Variants in EREG observed in about 807,000 individuals in gnomAD.
EREG encodes the protein proepiregulin.
In EREG, 23 loss-of-function variants were observed where a neutral mutation model predicts 22.4. The ratio of observed to expected loss-of-function variants is 1.03; its 90% CI spans 0.74 to 1.46. EREG has a LOEUF of 1.46. EREG is among the 40% of genes most tolerant of loss of function. EREG has a pLI of 0.00. For synonymous variants in EREG, 100 were observed against 75.4 expected (o/e 1.33, Z -1.69); for missense variants, 226 against 205.9 (o/e 1.10, Z -0.60).
intron 4 of EREG, among the ~76,000 whole-genome samples, chr4:74,384,526 C>A (rs1425308819): frequency 6.6e-6 from 1 of 151,314 alleles, no homozygotes; most frequent in Admixed American, 6.6e-5. Flanking sequence ...TTTATCATTT[C>A]ATTCCAAAAT....
In EREG at chr4:74,385,952, GA is replaced by G. The variant is rs1752562205; in HGVS notation, c.*1149del. 2.6e-6 allele frequency: 1 copy of G among 390,462 alleles called. No homozygotes were observed. Among genetic ancestry groups the G allele is most frequent in the Non-Finnish European group, 4.5e-6 (1 of 220,766 alleles). The allele number at this position is 390,462 out of a possible 1,614,324, so 24.2% of individuals were successfully genotyped here. A position where few individuals can be genotyped will look rare whatever the true frequency, so the allele number is the denominator to read the frequency against. On this transcript the variant is annotated 3_prime_UTR_variant, in exon 5 of 5. Coordinates refer to ENST00000244869, the MANE Select transcript of EREG (RefSeq NM_001432.3). ...ATTAATATGGTGTATTTTTCCAAAT[GA>G]AAAATCTCAATTGAAAGCTTTTAAA...
chr4:74,370,711 A>C (rs1752275652), intron 1 of EREG, among the ~76,000 whole-genome samples: 1 of 152,132 alleles, frequency 6.6e-6, no homozygotes, highest in African/African-American at 2.4e-5. Flanking sequence ...TGACTGAATA[A>C]AGTGGCAGTG....
intron 1 of EREG, among the ~76,000 whole-genome samples, 177 bp from the exon 2 acceptor site, chr4:74,379,271 G>C (rs1027861717): frequency 6.6e-6 from 1 of 152,132 alleles, no homozygotes; most frequent in African/African-American, 2.4e-5. Context: ...AGAATAGCTG[G>C]GGGAGTTTGT....
intron 1 of EREG, among the ~76,000 whole-genome samples, chr4:74,375,166 A>ATAG (rs369684024): frequency 0.013 from 1,957 of 152,268 alleles, 33 homozygotes; most frequent in African/African-American, 0.044. Context: ...AAAGCCAAAT[A>ATAG]TAGTATTTGA....
chr4:74,384,570 C>CT (rs5859426), intron 4 of EREG, among the ~76,000 whole-genome samples, 157 bp from the exon 5 acceptor site: 112 of 141,380 alleles, frequency 7.9e-4, no homozygotes, highest in East Asian at 1.8e-3. Flanking sequence ...CTTCATCCCT[C>CT]TTTTTTTTTT....
intron 4 of EREG, among the ~76,000 whole-genome samples, chr4:74,383,161 T>C (rs1752507995): frequency 6.6e-6 from 1 of 152,174 alleles, no homozygotes. Context: ...AAATTGAGAG[T>C]ATCAATTCCC....
At chr4:74,369,992 C>A (rs957089479) in intron 1 of EREG, among the ~76,000 whole-genome samples, 2 of 151,788 alleles carry the variant, frequency 1.3e-5, no homozygotes, top group African/African-American at 4.8e-5. Flanking sequence ...GCCTTTTTAG[C>A]CCAGAAAGTT....
chr4:74,388,671 A>C lies in EREG; in HGVS notation c.*3863A>C, dbSNP rs1752616720. 1 of 152,630 alleles carries C rather than the reference A, an allele frequency of 6.6e-6. No individual in the cohort carries two copies. The highest frequency in any genetic ancestry group is 1.5e-5 in the Non-Finnish European group (1 of 68,022). 9.5% of individuals were successfully genotyped at this position (152,630 alleles called of 1,614,324 possible). On this transcript the variant is annotated 3_prime_UTR_variant, in exon 5 of 5. Transcript: ENST00000244869. Reference sequence around the variant, plus strand: ...GAAAATAGATAATTTACAAGATATTATTAATTTTTATTTATTTTTCTTGGG... The same window carrying C: ...GAAAATAGATAATTTACAAGATATTCTTAATTTTTATTTATTTTTCTTGGG...
At position 74,387,255 on chromosome 4, in the gene EREG, A is replaced by C. The variant is rs970877160; in HGVS notation, c.*2447A>C. The C allele has an allele frequency of 6.6e-6, 1 of 152,064 alleles. No individual in the cohort carries two copies. Among genetic ancestry groups the C allele is most frequent in the Non-Finnish European group, 1.5e-5 (1 of 68,008 alleles). 9.4% of individuals were successfully genotyped at this position (152,064 alleles called of 1,614,324 possible). The stretch of plus-strand genomic sequence containing the variant: ...TGGGAATCAGTCCCCTGTGGATACC[A>C]AGGTACAACTGTATTTATTAACGCT... On this transcript the variant is annotated 3_prime_UTR_variant, in exon 5 of 5. Transcript: ENST00000244869.
intron 1 of EREG, among the ~76,000 whole-genome samples, chr4:74,369,364 TCATAGTA>T (rs561002826): frequency 6.3e-4 from 96 of 152,252 alleles, no homozygotes; most frequent in South Asian, 2.1e-3. Context: ...CTTTGTGTAC[TCATAGTA>T]CATAGTACAT....
At chr4:74,371,524 T>A (rs1007806695) in intron 1 of EREG, among the ~76,000 whole-genome samples, 2 of 152,234 alleles carry the variant, frequency 1.3e-5, no homozygotes, top group African/African-American at 4.8e-5. Flanking sequence ...TTTTTCTCTT[T>A]TCTTTGCCAC....
Position 74,381,059 on chromosome 4 carries a change from A to G in EREG, c.200A>G (p.Lys67Arg), listed in dbSNP as rs1752465071. ...CGTGTGGCTCAAGTGTCAATAACAA[A>G]GTGTAGCTCTGACATGAATGGCTAT... ...NPRVAQVSIT[K>R]CSSDMNGYCL... Residue 67 changes from lysine (K) to arginine (R), a missense_variant, in exon 3 of 5, where the codon AAG (lysine) becomes AGG (arginine). Coordinates refer to ENST00000244869, the MANE Select transcript of EREG (RefSeq NM_001432.3). 6.2e-7 allele frequency: 1 copy of G among 1,613,860 alleles called. No homozygotes were observed. Among genetic ancestry groups the G allele is most frequent in the East Asian group, 2.2e-5 (1 of 44,852 alleles).
chr4:74,377,194 T>C (rs938835125), intron 1 of EREG, among the ~76,000 whole-genome samples: 6 of 151,992 alleles, frequency 3.9e-5, no homozygotes, highest in Admixed American at 3.3e-4. Context: ...TATTTCACTG[T>C]ATTCTCCCCA....
At chr4:74,380,475 C>T (rs1752455203) in intron 2 of EREG, among the ~76,000 whole-genome samples, 1 of 152,140 alleles carries the variant, frequency 6.6e-6, no homozygotes, top group Non-Finnish European at 1.5e-5. Context: ...ATTCAGGCCT[C>T]ATTATCAGAG....
chr4:74,369,822 G>A (rs1266493040), intron 1 of EREG, among the ~76,000 whole-genome samples: 27 of 143,562 alleles, frequency 1.9e-4, no homozygotes, highest in South Asian at 4.4e-4. Flanking sequence ...TTTCTCATCC[G>A]AAAAAAAAAA....
Position 74,384,791 on chromosome 4 carries a change from G to A in EREG, c.493G>A (p.Glu165Lys). Residue 165 changes from glutamate to lysine, a missense_variant, in exon 5 of 5, where the codon GAG (glutamate) becomes AAG (lysine). Transcript: ENST00000244869. ...EYERVTSGDP[E>K]LPQV Reference sequence around the variant, plus strand: ...TGAGAGAGTTACCTCAGGGGATCCAGAGTTGCCGCAAGTCTGAATGGCGCC... The same window carrying A: ...TGAGAGAGTTACCTCAGGGGATCCAAAGTTGCCGCAAGTCTGAATGGCGCC... 6.2e-7 allele frequency: 1 copy of A among 1,612,626 alleles called. No individual in the cohort carries two copies. Among genetic ancestry groups the A allele is most frequent in the Non-Finnish European group, 8.5e-7 (1 of 1,178,790 alleles).
At position 74,371,197 on chromosome 4, in the gene EREG, C is replaced by CT. The variant is rs35273455; in HGVS notation, c.67+5830dup. On this transcript the variant is annotated intron_variant, in intron 1 of 4. Coordinates refer to ENST00000244869, the MANE Select transcript of EREG (RefSeq NM_001432.3). ...TTTAGAACCAATAACATAAAATATACTTTTTTTTAATTGCTGTTACACATT... is the reference window on the plus strand; with the variant it reads ...TTTAGAACCAATAACATAAAATATACTTTTTTTTTAATTGCTGTTACACATT... 1.9e-3 allele frequency among the ~76,000 whole-genome samples: 284 copies of CT among 152,094 alleles called. 1 individual carries two copies. The highest frequency in any genetic ancestry group is 2.9e-3 in the Non-Finnish European group (196 of 67,992).
At chr4:74,373,739 T>C (rs1752332671) in intron 1 of EREG, among the ~76,000 whole-genome samples, 1 of 148,482 alleles carries the variant, frequency 6.7e-6, no homozygotes, top group Non-Finnish European at 1.5e-5. Flanking sequence ...TACGTGTGCG[T>C]ATATATATCT....
intron 1 of EREG, among the ~76,000 whole-genome samples, chr4:74,372,366 A>G (rs975500587): frequency 1.3e-5 from 2 of 152,248 alleles, no homozygotes; most frequent in African/African-American, 4.8e-5. Flanking sequence ...CTCACTGATT[A>G]AAACTTTATC....
Sources: allele counts gnomAD v4.1 joint callset (sites outside exome capture counted in the v4.1 genomes callset), GRCh38; gene constraint gnomAD v4.1.1; transcripts MANE v1.5; gene names NCBI Gene and HGNC (gene_info 2026-07-23, HGNC 2026-07-21).